The following ATN1 variants were observed in gnomAD, a reference collection of about 807,000 sequenced individuals.
ATN1 encodes the protein atrophin 1, also known as atrophin-1.
Under a neutral mutation model 85.8 loss-of-function variants are expected in ATN1, and 19 were observed. The ratio of observed to expected loss-of-function variants is 0.22; its 90% confidence interval spans 0.15 to 0.32. The LOEUF (loss-of-function observed/expected upper bound fraction) is 0.32, where lower values mean the gene tolerates loss of function less well. ATN1 is among the 10% of genes least tolerant of loss of function. The pLI is 1.00. For missense variants in ATN1, 1,453 were observed against 1,564.5 expected (o/e 0.93, Z 1.20); for synonymous variants, 674 against 657.0 (o/e 1.03, Z -0.39).
Position 6,934,071 on chromosome 12 carries a change from G to A in ATN1, c.27+43G>A, listed in dbSNP as rs186164936. On this transcript the variant is annotated intron_variant, in intron 2 of 9. Transcript: ENST00000396684. The surrounding 1 kb of genome is among the most constrained non-coding windows in gnomAD (Gnocchi z 4.5). ...ACATGAAAGATGAGGGGCGGGGCAG[G>A]CAAGCTAGGAGGAAGGGTCTAGAGA... 2 of 1,610,770 alleles carry A rather than the reference G, an allele frequency of 1.2e-6. No individual in the cohort carries two copies. Among genetic ancestry groups the A allele is most frequent in the African/African-American group, 2.7e-5 (2 of 74,892 alleles).
chr12:6,930,201 C>T (rs138248788), intron 1 of ATN1, among the ~76,000 whole-genome samples: 19 of 152,274 alleles, frequency 1.2e-4, no homozygotes, highest in African/African-American at 4.3e-4. Flanking sequence ...CTCTGAAGGT[C>T]CCGGATTCTC....
chr12:6,927,148 T>C (rs1490462001), upstream of ATN1, among the ~76,000 whole-genome samples: 2 of 143,364 alleles, frequency 1.4e-5, no homozygotes, highest in African/African-American at 2.6e-5. Context: ...CCAATTCTTA[T>C]ATTTATGACT....
At position 6,934,024 on chromosome 12, in the gene ATN1, ACT is replaced by A; in HGVS notation, c.25_26del (p.Ser9AspfsTer35). 1 of 1,609,004 alleles carries A rather than the reference ACT, an allele frequency of 6.2e-7. No homozygotes were observed. Among genetic ancestry groups the A allele is most frequent in the Non-Finnish European group, 8.5e-7 (1 of 1,177,738 alleles). On this transcript the variant is annotated frameshift_variant and splice_region_variant, in exon 2 of 10. Coordinates refer to ENST00000396684, the MANE Select transcript of ATN1 (RefSeq NM_001940.4). LOFTEE classifies it high-confidence loss of function. This position sits in a 1 kb window ranked among gnomAD's most constrained non-coding sequence, Gnocchi z 4.5. Reference sequence around the variant, plus strand: ...AGAATGAAGACACGACAGAATAAAGACTCGGTGAGTTAAAATGAGAGACATGA... The same window carrying A: ...AGAATGAAGACACGACAGAATAAAGACGGTGAGTTAAAATGAGAGACATGA...
chr12:6,939,338 C>G (rs782305940), intron 7 of ATN1, among the ~76,000 whole-genome samples, 161 bp downstream of exon 7: 1 of 152,360 alleles, frequency 6.6e-6, no homozygotes, highest in South Asian at 2.1e-4. Context: ...TTCTCTCAGC[C>G]TTGTCTTCTC....
chr12:6,941,532 C>A lies in ATN1; in HGVS notation c.3517C>A (p.Pro1173Thr). The A allele has an allele frequency of 6.2e-7, 1 of 1,612,766 alleles. No individual in the cohort carries two copies. The highest frequency in any genetic ancestry group is 8.5e-7 in the Non-Finnish European group (1 of 1,179,890). The change falls in exon 9 of 10, where the codon CCT becomes ACT. Residue 1173 changes from proline to threonine, a missense_variant. Transcript: ENST00000396684. The surrounding 1 kb of genome is among the most constrained non-coding windows in gnomAD (Gnocchi z 5.9). ...TCACCCGCTGCACAGTGTGCCGCTGCCTGCCCAGGAGGACTACTACAGGTA... is the reference window on the plus strand; with the variant it reads ...TCACCCGCTGCACAGTGTGCCGCTGACTGCCCAGGAGGACTACTACAGGTA... ...AHHPLHSVPL[P>T]AQEDYYSHLK...
At position 6,937,603 on chromosome 12, in the gene ATN1, C is replaced by T. The variant is rs1473830823; in HGVS notation, c.2294+42C>T. 3 of 1,457,970 alleles carry T rather than the reference C, an allele frequency of 2.1e-6. No homozygotes were observed. The highest frequency in any genetic ancestry group is 5.5e-5 in the Admixed American group (2 of 36,362). 90.3% of individuals were successfully genotyped at this position (1,457,970 alleles called of 1,614,324 possible). A position where few individuals can be genotyped will look rare whatever the true frequency, so the allele number is the denominator to read the frequency against. On this transcript the variant is annotated intron_variant, in intron 5 of 9. Transcript: ENST00000396684. The surrounding 1 kb of genome is among the most constrained non-coding windows in gnomAD (Gnocchi z 6.0). ...GGCGGAGGTGGGCCTGGAAAGGGGA[C>T]GACGACAAGGCGGCGACGAGAGAGG...
rs1454107967 is a variant in ATN1 at position 6,938,984 on chromosome 12, T to A, written c.3021T>A (p.Ala1007=). 1.2e-6 allele frequency: 2 copies of A among 1,613,144 alleles called. No individual in the cohort carries two copies. The highest frequency in any genetic ancestry group is 1.7e-6 in the Non-Finnish European group (2 of 1,179,990). ...PLERERLALA[A]GPALRPDMSY... is the part of the protein sequence containing the mutation. ...AGCGAGAACGTCTAGCGCTGGCAGCTGGGCCAGCCCTGCGGCCTGACATGT... is the reference window on the plus strand; with the variant it reads ...AGCGAGAACGTCTAGCGCTGGCAGCAGGGCCAGCCCTGCGGCCTGACATGT... Residue 1007 remains alanine (A), a synonymous_variant, in exon 7 of 10, where the codon GCT becomes GCA. Coordinates refer to ENST00000396684, the MANE Select transcript of ATN1 (RefSeq NM_001940.4).
rs782583186 is a variant in ATN1 at position 6,933,846 on chromosome 12, T to C, written c.-156T>C. 48 of 810,578 alleles carry C rather than the reference T, an allele frequency of 5.9e-5. No individual in the cohort carries two copies. The highest frequency in any genetic ancestry group is 1.1e-4 in the East Asian group (4 of 37,578). The allele number at this position is 810,578 out of a possible 1,614,324, so 50.2% of individuals were successfully genotyped here. ...GATGGTTTCCTTCTAACAGGTTTCA[T>C]TGAAAACAGATCCTGCAAAAGTTCC... On this transcript the variant is annotated 5_prime_UTR_variant, in exon 2 of 10. Transcript: ENST00000396684.
chr12:6,940,929 C>A lies in ATN1; in HGVS notation c.3264C>A (p.His1088Gln). Residue 1088 changes from histidine (H) to glutamine (Q), a missense_variant, in exon 8 of 10, where the codon CAC (histidine) becomes CAA (glutamine). Around this residue, in one of 6 missense-constraint regions of ATN1, gnomAD observed 118 missense variants for 163.7 expected, o/e 0.72. Coordinates refer to ENST00000396684, the MANE Select transcript of ATN1 (RefSeq NM_001940.4). Reference protein sequence around the residue: ...PLIDPLASGSHLTRIPYPAGT... With the variant: ...PLIDPLASGSQLTRIPYPAGT... ...TTGACCCCCTGGCCTCAGGGTCTCA[C>A]CTTACCCGGATCCCCTACCCAGCTG... is the stretch of plus-strand genomic sequence containing the variant. The A allele has an allele frequency of 6.2e-7, 1 of 1,614,224 alleles. No homozygotes were observed. Among genetic ancestry groups the A allele is most frequent in the Non-Finnish European group, 8.5e-7 (1 of 1,180,036 alleles).
Position 6,938,894 on chromosome 12 carries a change from G to A in ATN1, c.2931G>A (p.Leu977=). The A allele has an allele frequency of 6.2e-7, 1 of 1,614,122 alleles. No individual in the cohort carries two copies. The highest frequency in any genetic ancestry group is 8.5e-7 in the Non-Finnish European group (1 of 1,180,016). The stretch of plus-strand genomic sequence containing the variant: ...ATCCCTTTCCCCGACATGGGGGCCT[G>A]GCTCTGCAGCCTGGCCCACCTGGCC... ...GLDPFPRHGG[L]ALQPGPPGLH... is the part of the protein sequence containing the mutation. The change falls in exon 7 of 10, where the codon CTG becomes CTA. Residue 977 remains leucine, a synonymous_variant. Transcript: ENST00000396684.
At chr12:6,940,687 T>C (rs1174153051) in intron 7 of ATN1, among the ~76,000 whole-genome samples, 193 bp from the exon 8 acceptor site, 1 of 152,190 alleles carries the variant, frequency 6.6e-6, no homozygotes, top group Non-Finnish European at 1.5e-5. Context: ...GTGTCATCCA[T>C]ATGTCCCTCC....
chr12:6,939,266 C>A (rs1261425138), intron 7 of ATN1, 89 bp downstream of exon 7: 2 of 1,451,900 alleles, frequency 1.4e-6, no homozygotes, highest in Non-Finnish European at 1.8e-6. Context: ...CCAAGACTTT[C>A]CTCCCCTGGC....
In ATN1 at chr12:6,934,517, G is replaced by A; in HGVS notation, c.218G>A (p.Ser73Asn). ...STPKVNKQGRSEEISESESEE... is the reference protein window; with the variant it reads ...STPKVNKQGRNEEISESESEE... ...CCAAAGGTCAACAAGCAGGGTCGGA[G>A]TGAGGAGATCTCAGAGAGTGAAAGT... The change falls in exon 4 of 10, where the codon AGT (serine) becomes AAT (asparagine). Residue 73 changes from serine (S) to asparagine (N), a missense_variant. Around this residue, in one of 6 missense-constraint regions of ATN1, gnomAD observed 130 missense variants for 158.2 expected, o/e 0.82. Coordinates refer to ENST00000396684, the MANE Select transcript of ATN1 (RefSeq NM_001940.4). The surrounding 1 kb of genome is among the most constrained non-coding windows in gnomAD (Gnocchi z 4.5). 1 of 1,587,174 alleles carries A rather than the reference G, an allele frequency of 6.3e-7. No homozygotes were observed. Among genetic ancestry groups the A allele is most frequent in the Non-Finnish European group, 8.6e-7 (1 of 1,166,138 alleles).
chr12:6,927,861 G>T (rs1313918329), upstream of ATN1, among the ~76,000 whole-genome samples: 7 of 151,716 alleles, frequency 4.6e-5, no homozygotes, highest in Non-Finnish European at 1.0e-4. Context: ...GCGCCGGGTC[G>T]GGGCCTCGGG....
At position 6,937,122 on chromosome 12, in the gene ATN1, G is replaced by A. The variant is rs782745961; in HGVS notation, c.1855G>A (p.Ala619Thr). The change falls in exon 5 of 10, where the codon GCC becomes ACC. Residue 619 changes from alanine (A) to threonine (T), a missense_variant. Ala to Thr is a moderately conservative substitution (Grantham distance 58, BLOSUM62 0). Coordinates refer to ENST00000396684, the MANE Select transcript of ATN1 (RefSeq NM_001940.4). The surrounding 1 kb of genome is among the most constrained non-coding windows in gnomAD (Gnocchi z 6.0). ...TTCGGCTACCCTTTCCACGGTCATT[G>A]CCACCGTGGCTTCCTCGCCAGCAGG... ...TSSATLSTVI[A>T]TVASSPAGYK... The A allele has an allele frequency of 6.2e-7, 1 of 1,611,420 alleles. No homozygotes were observed.
intron 6 of ATN1, 90 bp from the exon 7 acceptor site, chr12:6,938,391 A>C: frequency 6.9e-7 from 1 of 1,459,094 alleles, no homozygotes. Context: ...GCATTTTGGC[A>C]TTCGGCTGTC....
chr12:6,926,426 C>T (rs1423114629), upstream of ATN1, among the ~76,000 whole-genome samples: 1 of 152,100 alleles, frequency 6.6e-6, no homozygotes, highest in East Asian at 1.9e-4. Flanking sequence ...AACCTCCCCC[C>T]GCTCCCACAT....
chr12:6,932,716 TC>T (rs1945481069), intron 1 of ATN1, among the ~76,000 whole-genome samples: 1 of 152,214 alleles, frequency 6.6e-6, no homozygotes, highest in South Asian at 2.1e-4. Flanking sequence ...CCCTGACTTT[TC>T]CTCTAGCCTT....
rs868949770 is a variant in ATN1, at chr12:6,937,476, C to T, written c.2209C>T (p.Pro737Ser). The T allele has an allele frequency of 4.5e-6, 7 of 1,545,532 alleles. No homozygotes were observed. The highest frequency in any genetic ancestry group is 2.0e-5 in the Admixed American group (1 of 50,960). ...KQEPAEEYET[P>S]ESPVPPARSP... ...GGAGCCGGCTGAGGAGTATGAGACC[C>T]CCGAGAGCCCGGTGCCCCCAGCCCG... The change falls in exon 5 of 10, where the codon CCC becomes TCC. Residue 737 changes from proline to serine, a missense_variant. Physicochemically the swap from Pro to Ser is moderately conservative, Grantham distance 74. Around this residue, in one of 6 missense-constraint regions of ATN1, gnomAD observed 990 missense variants for 914.8 expected, o/e 1.08. Coordinates refer to ENST00000396684, the MANE Select transcript of ATN1 (RefSeq NM_001940.4). The surrounding 1 kb of genome is among the most constrained non-coding windows in gnomAD (Gnocchi z 6.0).
Sources: gnomAD v4.1 joint callset for allele counts (sites outside exome capture counted in the v4.1 genomes callset) on GRCh38, gnomAD v4.1.1 for gene constraint, gnomAD v4.1.1 regional missense constraint, Gnocchi (gnomAD v3.1) non-coding constraint, MANE v1.5 for transcripts, NCBI Gene and HGNC (gene_info 2026-07-23, HGNC 2026-07-21) for gene names.